Variants in ANKS1B observed in about 807,000 individuals in gnomAD.
ANKS1B encodes the protein ankyrin repeat and sterile alpha motif domain containing 1B, also known as ankyrin repeat and sterile alpha motif domain-containing protein 1B.
A neutral mutation model predicts 148.3 loss-of-function variants in ANKS1B; 36 were observed. The observed-to-expected ratio is 0.24, with a 90% CI of 0.19 to 0.32. The LOEUF is 0.32. Ranked by LOEUF, ANKS1B falls within the 10% of genes least tolerant of loss-of-function variation. ANKS1B has a pLI of 1.00. For synonymous variants in ANKS1B, 542 were observed against 560.8 expected (o/e 0.97, Z 0.47); for missense variants, 1,157 against 1,542.6 (o/e 0.75, Z 4.19).
chr12:99,287,173 C>T (rs2079248096), intron 12 of ANKS1B, among the ~76,000 whole-genome samples: 1 of 152,126 alleles, frequency 6.6e-6, no homozygotes, highest in South Asian at 2.1e-4. Flanking sequence ...CTTGTGTCAC[C>T]CCCTCTGACA....
At chr12:98,740,115 T>C (rs112525109), downstream of ANKS1B, among the ~76,000 whole-genome samples, 396 of 152,290 alleles carry the variant, frequency 2.6e-3, 4 homozygotes, top group African/African-American at 9.2e-3. Flanking sequence ...CTGGGGCCAG[T>C]AGCTTGGGAG....
chr12:99,683,659 A>G (rs1333563038), intron 8 of ANKS1B, among the ~76,000 whole-genome samples: 1 of 152,114 alleles, frequency 6.6e-6, no homozygotes, highest in East Asian at 1.9e-4. Flanking sequence ...AAACCAGAAA[A>G]GGGTATTTGA....
chr12:99,283,009 A>G (rs1602393211), intron 12 of ANKS1B, among the ~76,000 whole-genome samples: 1 of 152,322 alleles, frequency 6.6e-6, no homozygotes, highest in East Asian at 1.9e-4. Context: ...CTAAGCCTGG[A>G]GCATTCTGAC....
intron 17 of ANKS1B, among the ~76,000 whole-genome samples, chr12:99,017,061 A>G (rs2099943017): frequency 6.6e-6 from 1 of 152,142 alleles, no homozygotes; most frequent in African/African-American, 2.4e-5. Context: ...TGGGGTTGAG[A>G]AATAAAAAAA....
intron 10 of ANKS1B, among the ~76,000 whole-genome samples, chr12:99,459,125 G>A (rs142721767): frequency 1.8e-3 from 275 of 152,172 alleles, no homozygotes; most frequent in Non-Finnish European, 2.9e-3. Context: ...ATCAATAAAT[G>A]TGATACACCA....
chr12:99,540,618 T>A (rs2153119983), intron 9 of ANKS1B, among the ~76,000 whole-genome samples: 2 of 152,168 alleles, frequency 1.3e-5, no homozygotes, highest in Non-Finnish European at 2.9e-5. Context: ...TTCAAATGAA[T>A]GAAGACAAAA....
intron 19 of ANKS1B, among the ~76,000 whole-genome samples, chr12:98,819,289 A>C (rs921256399): frequency 4.6e-5 from 7 of 152,264 alleles, no homozygotes; most frequent in Non-Finnish European, 5.9e-5. Flanking sequence ...AGAAAAGCAC[A>C]GTAAGAATGA....
chr12:99,401,685 T>C (rs1198629726), intron 11 of ANKS1B, among the ~76,000 whole-genome samples: 1 of 146,740 alleles, frequency 6.8e-6, no homozygotes, highest in African/African-American at 2.6e-5. Context: ...CAAGACACTG[T>C]CCCTGTTTTC....
At chr12:99,782,763 T>C (rs1271447868) in intron 4 of ANKS1B, among the ~76,000 whole-genome samples, 2 of 152,204 alleles carry the variant, frequency 1.3e-5, no homozygotes, top group African/African-American at 4.8e-5. Flanking sequence ...TTCTGAGGTA[T>C]GGAAATATCA....
At chr12:99,467,639 C>T (rs1212452788) in intron 10 of ANKS1B, among the ~76,000 whole-genome samples, 2 of 152,102 alleles carry the variant, frequency 1.3e-5, no homozygotes, top group Non-Finnish European at 2.9e-5. Flanking sequence ...TTCTTATACA[C>T]CAATAACAGA....
chr12:98,782,920 C>T (rs1057347967), intron 22 of ANKS1B, among the ~76,000 whole-genome samples: 4 of 152,174 alleles, frequency 2.6e-5, no homozygotes, highest in African/African-American at 9.6e-5. Flanking sequence ...CAAGACACAT[C>T]AAAGGCAGGC....
chr12:99,559,988 G>A (rs2097315747), intron 9 of ANKS1B, among the ~76,000 whole-genome samples: 1 of 152,166 alleles, frequency 6.6e-6, no homozygotes, highest in Admixed American at 6.5e-5. Context: ...CCTCGGTCAA[G>A]TGTTTCAGTA....
chr12:98,927,560 T>C (rs189723253), intron 17 of ANKS1B, among the ~76,000 whole-genome samples: 9 of 152,178 alleles, frequency 5.9e-5, no homozygotes, highest in Non-Finnish European at 1.0e-4. Flanking sequence ...TATACTTTTT[T>C]AATTGAAATT....
Position 98,744,679 on chromosome 12 carries a change from CT to C in ANKS1B, c.*1059del, listed in dbSNP as rs201362499. Reference sequence around the variant, plus strand: ...AAGTTTTATTACTTTGGAATTTCTTCTTTTTTTTTTTTGTATTTATTTTTTC... The same window carrying C: ...AAGTTTTATTACTTTGGAATTTCTTCTTTTTTTTTTTGTATTTATTTTTTC... On this transcript the variant is annotated 3_prime_UTR_variant, in exon 27 of 27. Coordinates refer to ENST00000683438, the MANE Select transcript of ANKS1B (RefSeq NM_001352186.2). 0.082 allele frequency: 48,877 copies of C among 596,386 alleles called. 1 individual carries two copies. Among genetic ancestry groups the C allele is most frequent in the Non-Finnish European group, 0.092 (44,257 of 481,814 alleles). 36.9% of individuals were successfully genotyped at this position (596,386 alleles called of 1,614,324 possible).
At chr12:99,833,682 A>G (rs1277441353) in intron 1 of ANKS1B, among the ~76,000 whole-genome samples, 1 of 152,216 alleles carries the variant, frequency 6.6e-6, no homozygotes, top group Non-Finnish European at 1.5e-5. Flanking sequence ...ATGGAAAAGA[A>G]ATAGGAAAAT....
intron 17 of ANKS1B, among the ~76,000 whole-genome samples, chr12:98,971,686 G>T (rs898639151): frequency 1.3e-5 from 2 of 152,116 alleles, no homozygotes; most frequent in Admixed American, 1.3e-4. Context: ...TTTAAATATA[G>T]AGGGCTCCCA....
intron 12 of ANKS1B, among the ~76,000 whole-genome samples, chr12:99,327,217 A>ATATAATTTATAATTATAATAAT (rs2086539730): frequency 1.7e-5 from 2 of 117,086 alleles, no homozygotes; most frequent in Non-Finnish European, 3.3e-5. Flanking sequence ...CTATTATATA[A>ATATAATTTATAATTATAATAAT]TATAATTTAT....
At chr12:99,197,021 C>G (rs2081471278) in intron 14 of ANKS1B, among the ~76,000 whole-genome samples, 1 of 152,104 alleles carries the variant, frequency 6.6e-6, no homozygotes, top group African/African-American at 2.4e-5. Flanking sequence ...CTCTCCCATT[C>G]TCTGTGTATG....
intron 9 of ANKS1B, among the ~76,000 whole-genome samples, chr12:99,580,420 A>T (rs1329633739): frequency 6.6e-6 from 1 of 152,238 alleles, no homozygotes; most frequent in Non-Finnish European, 1.5e-5. Context: ...ATGACCTATT[A>T]GGGATAAATA....
Sources: gnomAD v4.1 joint callset for allele counts (sites outside exome capture counted in the v4.1 genomes callset) on GRCh38, gnomAD v4.1.1 for gene constraint, MANE v1.5 for transcripts, NCBI Gene and HGNC (gene_info 2026-07-23, HGNC 2026-07-21) for gene names.